The following CLPB variants were observed in gnomAD, a reference collection of about 807,000 sequenced individuals.
CLPB encodes mitochondrial disaggregase.
A neutral mutation model predicts 78.4 loss-of-function variants in CLPB; 40 were observed. The ratio of observed to expected loss-of-function variants is 0.51; its 90% CI spans 0.40 to 0.66. The LOEUF is 0.66. CLPB is among the 30% of genes least tolerant of loss of function. CLPB has a pLI of 0.00. For synonymous variants in CLPB, 333 were observed against 348.0 expected, an observed-to-expected ratio of 0.96 and a Z score of 0.48; for missense variants, 780 against 886.9, an observed-to-expected ratio of 0.88 and a Z score of 1.53.
In CLPB at chr11:72,380,324, A is replaced by T; in HGVS notation, c.603T>A (p.Ser201Arg). The change falls in exon 4 of 16, where the codon AGT becomes AGA. Residue 201 changes from serine to arginine, a missense_variant. This residue lies in a region of CLPB where 417 missense variants were observed against 414.7 expected (regional missense o/e 1.01). Transcript: ENST00000538039. ...ADPNLGDDFS[S>R]VYKTAKEQGI... ...CCTGTTCCTTGGCAGTCTTGTAAAC[A>T]CTGCTGAAATCATCTCCAAGGTTTG... 1 of 1,614,178 alleles carries T rather than the reference A, an allele frequency of 6.2e-7. No homozygotes were observed. The highest frequency in any genetic ancestry group is 8.5e-7 in the Non-Finnish European group (1 of 1,180,008).
chr11:72,320,010 C>T (rs1219843437), intron 6 of CLPB, among the ~76,000 whole-genome samples: 2 of 152,228 alleles, frequency 1.3e-5, no homozygotes, highest in African/African-American at 2.4e-5. Context: ...GCCCCAGAGG[C>T]GGCTCTCGAG....
intron 5 of CLPB, among the ~76,000 whole-genome samples, chr11:72,335,227 T>G (rs747022756): frequency 1.4e-4 from 21 of 152,286 alleles, no homozygotes; most frequent in South Asian, 4.1e-4. Context: ...GGCAATGGTG[T>G]TGGTGGGAGT....
At chr11:72,336,804 A>C (rs1248455378) in intron 5 of CLPB, 2 of 326,624 alleles carry the variant, frequency 6.1e-6, no homozygotes, top group African/African-American at 4.2e-5. Flanking sequence ...CCCATCAAGG[A>C]AACATTGAGA....
intron 6 of CLPB, among the ~76,000 whole-genome samples, chr11:72,323,716 G>A (rs775524559): frequency 3.3e-5 from 5 of 152,066 alleles, no homozygotes; most frequent in Non-Finnish European, 5.9e-5. Context: ...CATGACAACC[G>A]AATGCAACTT....
In CLPB at chr11:72,294,384, A is replaced by C; in HGVS notation, c.1621T>G (p.Phe541Val). The change falls in exon 14 of 16, where the codon TTC becomes GTC. Residue 541 changes from phenylalanine (F) to valine (V), a missense_variant. Physicochemically the swap from Phe to Val is conservative, Grantham distance 50 (BLOSUM62 -1). Around this residue, in one of 3 missense-constraint regions of CLPB, gnomAD observed 272 missense variants for 304.0 expected, o/e 0.89. Coordinates refer to ENST00000538039, the MANE Select transcript of CLPB (RefSeq NM_001258392.3). ...AGTTGGATGAGCTCCGAGTGGCAGA[A>C]GGGGAGGAAGTAGACGATCTCATTG... ...RINEIVYFLP[F>V]CHSELIQLVN... The C allele has an allele frequency of 6.2e-7, 1 of 1,614,230 alleles. No individual in the cohort carries two copies. The highest frequency in any genetic ancestry group is 8.5e-7 in the Non-Finnish European group (1 of 1,180,040).
intron 2 of CLPB, among the ~76,000 whole-genome samples, chr11:72,427,932 C>G (rs1856434963): frequency 6.6e-6 from 1 of 152,180 alleles, no homozygotes; most frequent in African/African-American, 2.4e-5. Flanking sequence ...CAGCATGAAC[C>G]ACCTGTACAG....
chr11:72,410,258 C>T (rs1331889329), intron 2 of CLPB, among the ~76,000 whole-genome samples: 2 of 152,016 alleles, frequency 1.3e-5, no homozygotes, highest in Non-Finnish European at 2.9e-5. Flanking sequence ...CAAATCCAGG[C>T]TCTGTTACTT....
Position 72,372,923 on chromosome 11 carries a change from A to G in CLPB, c.646+7358T>C, listed in dbSNP as rs201350869. The G allele has an allele frequency of 4.5e-5, 72 of 1,613,226 alleles. No homozygotes were observed. The East Asian group carries it at 1.5e-3, about 33-fold the overall frequency. On this transcript the variant is annotated intron_variant, in intron 4 of 15. Transcript: ENST00000538039. ...AAATATTATACAGAGCAGTTCCATTACCGCCAGCGGGGAGTCCTAGCCATC... is the reference window on the plus strand; with the variant it reads ...AAATATTATACAGAGCAGTTCCATTGCCGCCAGCGGGGAGTCCTAGCCATC...
chr11:72,349,511 G>A (rs1408881115), intron 5 of CLPB, among the ~76,000 whole-genome samples: 1 of 152,184 alleles, frequency 6.6e-6, no homozygotes, highest in Non-Finnish European at 1.5e-5. Flanking sequence ...ACTCCTTTTG[G>A]GAAGGGACAC....
intron 1 of CLPB, 111 bp from the exon 2 acceptor site, chr11:72,430,474 C>A: frequency 1.2e-6 from 1 of 815,986 alleles, no homozygotes; most frequent in Non-Finnish European, 1.9e-6. Context: ...TGGACTTTGA[C>A]AAGCAAACTG....
chr11:72,412,486 G>A (rs555499803), intron 2 of CLPB, among the ~76,000 whole-genome samples: 1 of 152,208 alleles, frequency 6.6e-6, no homozygotes, highest in Non-Finnish European at 1.5e-5. Flanking sequence ...AGAATGATCT[G>A]CAGAGATTAA....
In CLPB at chr11:72,343,278, A is replaced by G. The variant is rs140762543; in HGVS notation, c.776-13474T>C. Among the ~76,000 whole-genome samples, 315 of 152,346 alleles carry G rather than the reference A, an allele frequency of 2.1e-3. 2 individuals are homozygous for G. Among genetic ancestry groups the G allele is most frequent in the African/African-American group, 7.2e-3 (301 of 41,580 alleles). On this transcript the variant is annotated intron_variant, in intron 5 of 15. Transcript: ENST00000538039. ...TATGGCTGCCTTTGTGAACACTCAC[A>G]GCAACAGAAACCAATGAAATATTTT...
At chr11:72,360,977 G>A (rs557384612) in intron 4 of CLPB, among the ~76,000 whole-genome samples, 1 of 152,242 alleles carries the variant, frequency 6.6e-6, no homozygotes, top group South Asian at 2.1e-4. Flanking sequence ...GAAAGAAGTA[G>A]AGCCCAGATG....
chr11:72,294,919 G>A (rs1470929735), intron 12 of CLPB, among the ~76,000 whole-genome samples: 1 of 150,620 alleles, frequency 6.6e-6, no homozygotes, highest in African/African-American at 2.5e-5. Context: ...TCCTCAGGGT[G>A]GGAGTTGTGT....
chr11:72,377,583 G>A (rs1854748200), intron 4 of CLPB, among the ~76,000 whole-genome samples: 2 of 133,300 alleles, frequency 1.5e-5, no homozygotes, highest in Admixed American at 1.7e-4. Flanking sequence ...TGGCATAAGA[G>A]TTAAAAATAA....
chr11:72,321,736 G>A (rs1373589868), intron 6 of CLPB, among the ~76,000 whole-genome samples: 1 of 152,190 alleles, frequency 6.6e-6, no homozygotes, highest in East Asian at 1.9e-4. Flanking sequence ...TAGGTATGGA[G>A]GGGGAAGAGA....
At chr11:72,370,894 T>C (rs546458229) in intron 4 of CLPB, among the ~76,000 whole-genome samples, 9 of 152,296 alleles carry the variant, frequency 5.9e-5, no homozygotes, top group South Asian at 2.1e-4. Flanking sequence ...TTCAAGGCTC[T>C]TCTCTGTCTA....
At chr11:72,323,200 G>A (rs1487407153) in intron 6 of CLPB, among the ~76,000 whole-genome samples, 1 of 152,206 alleles carries the variant, frequency 6.6e-6, no homozygotes, top group Non-Finnish European at 1.5e-5. Context: ...CATAATCTGA[G>A]TTTAATCACA....
Position 72,291,276 on chromosome 11 carries a change from GATTA to G in CLPB, c.*2087_*2090del, listed in dbSNP as rs1208875323. On this transcript the variant is annotated 3_prime_UTR_variant, in exon 16 of 16. Transcript: ENST00000538039. ...AACTGGCAAAATTTGAATGTCCGTA[GATTA>G]GTTAGTAGTAGTTTATCAATGTTAA... 1 of 152,192 alleles carries G rather than the reference GATTA, an allele frequency of 6.6e-6. No homozygotes were observed. The highest frequency in any genetic ancestry group is 6.5e-5 in the Admixed American group (1 of 15,284). The allele number at this position is 152,192 out of a possible 1,614,324, so 9.4% of individuals were successfully genotyped here. A position where few individuals can be genotyped will look rare whatever the true frequency, so the allele number is the denominator to read the frequency against.
Sources: gnomAD v4.1 joint callset for allele counts (sites outside exome capture counted in the v4.1 genomes callset) on GRCh38, gnomAD v4.1.1 for gene constraint, gnomAD v4.1.1 regional missense constraint, MANE v1.5 for transcripts, NCBI Gene and HGNC (gene_info 2026-07-23, HGNC 2026-07-21) for gene names.